The following TNS2 variants were observed in gnomAD, a reference collection of about 807,000 sequenced individuals.
TNS2 encodes tensin 2.
A neutral mutation model predicts 155.7 loss-of-function variants in TNS2; 77 were observed. The ratio of observed to expected loss-of-function variants is 0.49; its 90% CI spans 0.41 to 0.60. The LOEUF (loss-of-function observed/expected upper bound fraction) is 0.60. Ranked by LOEUF, TNS2 falls within the 20% of genes least tolerant of loss-of-function variation. The probability of loss-of-function intolerance (pLI) is 0.00; values close to 1 mark genes in which losing one functional copy is unlikely to be tolerated. For missense variants in TNS2, 1,703 were observed against 1,868.8 expected, an observed-to-expected ratio of 0.91 and a Z score of 1.64; for synonymous variants, 726 against 763.9, an observed-to-expected ratio of 0.95 and a Z score of 0.82.
At chr12:53,053,895 G>A in intron 5 of TNS2, 70 bp from the exon 6 acceptor site, 1 of 1,614,056 alleles carries the variant, frequency 6.2e-7, no homozygotes, top group Non-Finnish European at 8.5e-7. Context: ...AAAGGGCATG[G>A]CTCTGGAGTG....
chr12:53,048,927 T>C, upstream of TNS2: 1 of 453,062 alleles, frequency 2.2e-6, no homozygotes, highest in South Asian at 3.6e-5. Flanking sequence ...ATAAATACCA[T>C]GCAAATGAGA....
At position 53,055,255 on chromosome 12, in the gene TNS2, G is replaced by A. The variant is rs758264853; in HGVS notation, c.573+19G>A. On this transcript the variant is annotated intron_variant, in intron 8 of 28. Coordinates refer to ENST00000314250, the MANE Select transcript of TNS2 (RefSeq NM_170754.4). Reference sequence around the variant, plus strand: ...CCCCAAGGTATGAAGGAAATGGCCTGCCCAACCATTAAACCAAGCCACCCC... The same window carrying A: ...CCCCAAGGTATGAAGGAAATGGCCTACCCAACCATTAAACCAAGCCACCCC... 1.9e-6 allele frequency: 3 copies of A among 1,613,234 alleles called. No homozygotes were observed. The highest frequency in any genetic ancestry group is 2.2e-5 in the South Asian group (2 of 90,934).
chr12:53,063,579 G>A lies in TNS2; in HGVS notation c.4078G>A (p.Gly1360Arg), dbSNP rs200281613. 1.3e-4 allele frequency: 203 copies of A among 1,612,310 alleles called. No homozygotes were observed. Among genetic ancestry groups the A allele is most frequent in the Admixed American group, 1.7e-4 (10 of 59,866 alleles). The change falls in exon 28 of 29, where the codon GGG becomes AGG. Residue 1360 changes from glycine (G) to arginine (R), a missense_variant. By Grantham distance (125) the Gly-to-Arg change is moderately radical (BLOSUM62 -2). Coordinates refer to ENST00000314250, the MANE Select transcript of TNS2 (RefSeq NM_170754.4). The surrounding 1 kb of genome is among the most constrained non-coding windows in gnomAD (Gnocchi z 5.6). ...CTTCTGCAGATGGACCAACCCAGACGGGACCACCTCCAAGTAAGCCTCCCC... is the reference window on the plus strand; with the variant it reads ...CTTCTGCAGATGGACCAACCCAGACAGGACCACCTCCAAGTAAGCCTCCCC... ...PQDRRWTNPD[G>R]TTSKIFGFVA...
At position 53,057,636 on chromosome 12, in the gene TNS2, C is replaced by T. The variant is rs1944206442; in HGVS notation, c.915C>T (p.His305=). ...IRMNSSPLFL[H]YVLIPMLPAF... is the part of the protein sequence containing the mutation. ...TGAACAGCAGCCCTCTCTTCCTGCA[C>T]TATGTGCTCATCCCCATGCTGCCAG... is the stretch of plus-strand genomic sequence containing the variant. Residue 305 remains histidine (H), a synonymous_variant, in exon 12 of 29, where the codon CAC becomes CAT. Coordinates refer to ENST00000314250, the MANE Select transcript of TNS2 (RefSeq NM_170754.4). 6.2e-7 allele frequency: 1 copy of T among 1,614,010 alleles called. No homozygotes were observed. The highest frequency in any genetic ancestry group is 8.5e-7 in the Non-Finnish European group (1 of 1,179,986).
chr12:53,063,971 A>G lies in TNS2; in HGVS notation c.*89A>G. On this transcript the variant is annotated 3_prime_UTR_variant, in exon 29 of 29. Transcript: ENST00000314250. The surrounding 1 kb of genome is among the most constrained non-coding windows in gnomAD (Gnocchi z 5.6). ...ACATCCCCTGGCCTGGACCCAGGAG[A>G]CCCAGGAGAAAGCACCCTCCCTTAG... is the stretch of plus-strand genomic sequence containing the variant. 1 of 1,472,432 alleles carries G rather than the reference A, an allele frequency of 6.8e-7. No individual in the cohort carries two copies. Among genetic ancestry groups the G allele is most frequent in the Non-Finnish European group, 9.2e-7 (1 of 1,085,398 alleles). 91.2% of individuals were successfully genotyped at this position (1,472,432 alleles called of 1,614,324 possible). A position where few individuals can be genotyped will look rare whatever the true frequency, so the allele number is the denominator to read the frequency against.
chr12:53,052,586 C>T, intron 3 of TNS2, 94 bp downstream of exon 3: 2 of 1,521,152 alleles, frequency 1.3e-6, no homozygotes, highest in Non-Finnish European at 9.1e-7. Context: ...ATCAACCCTC[C>T]ACCTCCACCC....
intron 1 of TNS2, among the ~76,000 whole-genome samples, chr12:53,051,422 G>T (rs1943926997): frequency 1.3e-5 from 2 of 152,240 alleles, no homozygotes; most frequent in Non-Finnish European, 2.9e-5. Context: ...TGCCGGCTCA[G>T]TCTGGTGCTG....
At chr12:53,049,988 TC>T, upstream of TNS2, 1 of 1,298,722 alleles carries the variant, frequency 7.7e-7, no homozygotes, top group Non-Finnish European at 1.0e-6. Context: ...CCCCTCCACT[TC>T]CTGGAGCAGC....
At position 53,057,579 on chromosome 12, in the gene TNS2, C is replaced by T; in HGVS notation, c.858C>T (p.Tyr286=). 6.2e-7 allele frequency: 1 copy of T among 1,612,282 alleles called. No individual in the cohort carries two copies. The highest frequency in any genetic ancestry group is 8.5e-7 in the Non-Finnish European group (1 of 1,178,714). ...LQPSQRRYIS[Y]FSGLLSGSIR... is the part of the protein sequence containing the mutation. ...CGCCCTCCACCAGATATATCAGCTACTTCAGTGGGCTGCTATCTGGCTCCA... is the reference window on the plus strand; with the variant it reads ...CGCCCTCCACCAGATATATCAGCTATTTCAGTGGGCTGCTATCTGGCTCCA... Residue 286 remains tyrosine, a synonymous_variant, in exon 12 of 29, where the codon TAC becomes TAT. Coordinates refer to ENST00000314250, the MANE Select transcript of TNS2 (RefSeq NM_170754.4).
Position 53,061,213 on chromosome 12 carries a change from C to T in TNS2, c.3307C>T (p.His1103Tyr), listed in dbSNP as rs753579632. The change falls in exon 20 of 29, where the codon CAC becomes TAC. Residue 1103 changes from histidine to tyrosine, a missense_variant. Transcript: ENST00000314250. The stretch of plus-strand genomic sequence containing the variant: ...ATCATCGCCAGCCAGAGGCATCAGT[C>T]ACCATGTCACCTTCGCACCTCTGCT... Reference protein sequence around the residue: ...QASSPARGISHHVTFAPLLSD... With the variant: ...QASSPARGISYHVTFAPLLSD... 2.3e-5 allele frequency: 36 copies of T among 1,573,524 alleles called. No individual in the cohort carries two copies. The highest frequency in any genetic ancestry group is 3.0e-5 in the Non-Finnish European group (35 of 1,159,464).
chr12:53,060,713 CCACT>C lies in TNS2; in HGVS notation c.2810_2813del (p.Thr937ArgfsTer3). On this transcript the variant is annotated frameshift_variant, in exon 20 of 29. Coordinates refer to ENST00000314250, the MANE Select transcript of TNS2 (RefSeq NM_170754.4). LOFTEE classifies it high-confidence loss of function. This position sits in a 1 kb window ranked among gnomAD's most constrained non-coding sequence, Gnocchi z 6.1. ...GACACCAGGTCCCCCACCTCAGCGC[CCACT>C]CAGAGACTGAGTCCTGGCGAGGCCT... is the stretch of plus-strand genomic sequence containing the variant. The C allele has an allele frequency of 6.3e-7, 1 of 1,594,336 alleles. No homozygotes were observed. The highest frequency in any genetic ancestry group is 8.6e-7 in the Non-Finnish European group (1 of 1,167,300).
At position 53,059,605 on chromosome 12, in the gene TNS2, C is replaced by A. The variant is rs757219312; in HGVS notation, c.1964C>A (p.Pro655Gln). 6.2e-7 allele frequency: 1 copy of A among 1,612,076 alleles called. No individual in the cohort carries two copies. Among genetic ancestry groups the A allele is most frequent in the South Asian group, 1.1e-5 (1 of 90,970 alleles). ...CTGTCAGAGGGGCTATACCCCTACC[C>A]ACCTGAGATGGGGAAACCAGCCACT... ...RSLSEGLYPY[P>Q]PEMGKPATGD... The change falls in exon 18 of 29, where the codon CCA (proline) becomes CAA (glutamine). Residue 655 changes from proline to glutamine, a missense_variant. Coordinates refer to ENST00000314250, the MANE Select transcript of TNS2 (RefSeq NM_170754.4). The surrounding 1 kb of genome is among the most constrained non-coding windows in gnomAD (Gnocchi z 4.7).
rs749112011 is a variant in TNS2 at position 53,060,266 on chromosome 12, G to T, written c.2617+8G>T. 15 of 1,537,030 alleles carry T rather than the reference G, an allele frequency of 9.8e-6. No homozygotes were observed. In the African/African-American group the frequency reaches 1.6e-4, roughly 17 times the overall value. ...GACCTTTGGCATCTGCAGGTGAGGG[G>T]CACCAGAGTGCGGAGTGCCCAGGGC... is the stretch of plus-strand genomic sequence containing the variant. On this transcript the variant is annotated splice_region_variant and intron_variant, in intron 18 of 28. Coordinates refer to ENST00000314250, the MANE Select transcript of TNS2 (RefSeq NM_170754.4). The surrounding 1 kb of genome is among the most constrained non-coding windows in gnomAD (Gnocchi z 6.1).
chr12:53,052,580 A>G, intron 3 of TNS2, 88 bp downstream of exon 3: 1 of 1,535,884 alleles, frequency 6.5e-7, no homozygotes, highest in Non-Finnish European at 9.0e-7. Context: ...ACTGGCATCA[A>G]CCCTCCACCT....
In TNS2 at chr12:53,060,834, G is replaced by A. The variant is rs201254888; in HGVS notation, c.2928G>A (p.Pro976=). 2.5e-5 allele frequency: 40 copies of A among 1,604,052 alleles called. No individual in the cohort carries two copies. The Admixed American group carries it at 4.0e-4, about 16-fold the overall frequency. ...PEPLAPSPVS[P]TFPPSSPSDW... ...CTCTGGCCCCTAGCCCAGTCTCTCC[G>A]ACCTTCCCTCCCAGCTCGCCCAGTG... The change falls in exon 20 of 29, where the codon CCG becomes CCA. Residue 976 remains proline (P), a synonymous_variant. Transcript: ENST00000314250. This position sits in a 1 kb window ranked among gnomAD's most constrained non-coding sequence, Gnocchi z 6.1.
chr12:53,050,091 AGCGGCTGCCTC>A lies in TNS2; in HGVS notation c.-94_-84del. The A allele has an allele frequency of 1.9e-6, 3 of 1,547,528 alleles. No individual in the cohort carries two copies. The highest frequency in any genetic ancestry group is 2.6e-6 in the Non-Finnish European group (3 of 1,149,710). On this transcript the variant is annotated 5_prime_UTR_variant, in exon 1 of 29. Coordinates refer to ENST00000314250, the MANE Select transcript of TNS2 (RefSeq NM_170754.4). The surrounding 1 kb of genome is among the most constrained non-coding windows in gnomAD (Gnocchi z 4.7). Reference sequence around the variant, plus strand: ...GACAGCCTACCCTCCGCCCAGGGGAAGCGGCTGCCTCCGCCAGGCCGCTTCCAGGAAGCCCC... The same window carrying A: ...GACAGCCTACCCTCCGCCCAGGGGAACGCCAGGCCGCTTCCAGGAAGCCCC...
In TNS2 at chr12:53,059,525, A is replaced by T; in HGVS notation, c.1884A>T (p.Gly628=). 2 of 1,583,530 alleles carry T rather than the reference A, an allele frequency of 1.3e-6. No homozygotes were observed. The highest frequency in any genetic ancestry group is 1.7e-6 in the Non-Finnish European group (2 of 1,167,240). ...GACTGGCCTACGGGGGCTATGAGGGATCCCCCCAGGGCTACGCCGAGGCCT... is the reference window on the plus strand; with the variant it reads ...GACTGGCCTACGGGGGCTATGAGGGTTCCCCCCAGGGCTACGCCGAGGCCT... ...RRRLAYGGYE[G]SPQGYAEASM... The change falls in exon 18 of 29, where the codon GGA becomes GGT. Residue 628 remains glycine (G), a synonymous_variant. Coordinates refer to ENST00000314250, the MANE Select transcript of TNS2 (RefSeq NM_170754.4). This position sits in a 1 kb window ranked among gnomAD's most constrained non-coding sequence, Gnocchi z 4.7.
At chr12:53,052,578 C>A in intron 3 of TNS2, 86 bp downstream of exon 3, 1 of 1,546,906 alleles carries the variant, frequency 6.5e-7, no homozygotes, top group South Asian at 1.1e-5. Flanking sequence ...ACACTGGCAT[C>A]AACCCTCCAC....
intron 25 of TNS2, 134 bp from the exon 26 acceptor site, chr12:53,062,955 G>A: frequency 8.2e-7 from 1 of 1,223,074 alleles, no homozygotes; most frequent in Non-Finnish European, 1.1e-6. Flanking sequence ...GTAGAGTCAT[G>A]GAATCTGCCT....
Sources: allele counts gnomAD v4.1 joint callset (sites outside exome capture counted in the v4.1 genomes callset), GRCh38; gene constraint gnomAD v4.1.1; non-coding constraint Gnocchi (gnomAD v3.1); transcripts MANE v1.5; gene names NCBI Gene and HGNC (gene_info 2026-07-23, HGNC 2026-07-21).